Variants in CDH26 observed in about 807,000 individuals in gnomAD.
CDH26 encodes the protein cadherin-like protein 26.
A neutral mutation model predicts 90.3 loss-of-function variants in CDH26; 83 were observed. The observed-to-expected ratio is 0.92, with a 90% CI of 0.77 to 1.10. The LOEUF (loss-of-function observed/expected upper bound fraction) is 1.10. CDH26 is among the 50% of genes least tolerant of loss of function. The probability of loss-of-function intolerance (pLI) is 0.00; values close to 1 mark genes in which losing one functional copy is unlikely to be tolerated. For missense variants in CDH26, 1,013 were observed against 1,037.6 expected, an observed-to-expected ratio of 0.98 and a Z score of 0.33; for synonymous variants, 397 against 396.3, an observed-to-expected ratio of 1.00 and a Z score of -0.02.
At position 59,978,846 on chromosome 20, in the gene CDH26, A is replaced by G. The variant is rs191295226; in HGVS notation, c.394-4077A>G. 1.3e-3 allele frequency among the ~76,000 whole-genome samples: 202 copies of G among 152,338 alleles called. 2 individuals carry two copies. Among genetic ancestry groups the G allele is most frequent in the East Asian group, 1.7e-3 (9 of 5,182 alleles). Reference sequence around the variant, plus strand: ...TCTTCACTTATTAGATTTGATATGAAGTTTTTAATAACTTCTTTGACAATA... The same window carrying G: ...TCTTCACTTATTAGATTTGATATGAGGTTTTTAATAACTTCTTTGACAATA... On this transcript the variant is annotated intron_variant, in intron 4 of 17. Coordinates refer to ENST00000348616, the MANE Select transcript of CDH26 (RefSeq NM_177980.4).
intron 7 of CDH26, among the ~76,000 whole-genome samples, chr20:60,021,867 C>CACACACACACACACACACAT (rs1555903635): frequency 0.027 from 2,473 of 90,378 alleles, 125 homozygotes; most frequent in Middle Eastern, 0.036. Flanking sequence ...CACACACACA[C>CACACACACACACACACACAT]ACACACACAC....
chr20:59,979,079 C>T (rs552410367), intron 4 of CDH26, among the ~76,000 whole-genome samples: 1 of 152,194 alleles, frequency 6.6e-6, no homozygotes, highest in African/African-American at 2.4e-5. Context: ...TTGTTTAGAA[C>T]ATCATAGAGA....
intron 1 of CDH26, among the ~76,000 whole-genome samples, chr20:59,964,646 TAAAG>T (rs2061123552): frequency 6.6e-6 from 1 of 152,146 alleles, no homozygotes; most frequent in Non-Finnish European, 1.5e-5. Flanking sequence ...AAGACATGCA[TAAAG>T]AGAGGAGAAA....
downstream of CDH26, among the ~76,000 whole-genome samples, chr20:60,015,294 G>A (rs6071085): frequency 0.32 from 49,142 of 152,076 alleles, 10,001 homozygotes; most frequent in Non-Finnish European, 0.43. Context: ...CCCAGCATTG[G>A]CTATTTTTGA....
At chr20:59,968,942 A>C in intron 1 of CDH26, 25 bp from the exon 2 acceptor site, 1 of 1,278,702 alleles carries the variant, frequency 7.8e-7, no homozygotes, top group Non-Finnish European at 1.1e-6. Context: ...ATTCTCTACT[A>C]ATTAATATTA....
At chr20:60,031,414 G>T in exon 8 of CDH26, 1 of 1,176,038 alleles carries the variant, frequency 8.5e-7, no homozygotes, top group Non-Finnish European at 1.1e-6. Flanking sequence ...AGTTGTTTAT[G>T]ACCACAAGGA....
chr20:60,016,636 C>G (rs1005199101), downstream of CDH26, among the ~76,000 whole-genome samples: 1 of 150,852 alleles, frequency 6.6e-6, no homozygotes, highest in African/African-American at 2.5e-5. Context: ...CTGGCTAGGA[C>G]ATTCAGTATT....
At position 59,999,682 on chromosome 20, in the gene CDH26, G is replaced by C; in HGVS notation, c.2097+19G>C. 2 of 1,612,778 alleles carry C rather than the reference G, an allele frequency of 1.2e-6. No individual in the cohort carries two copies. The highest frequency in any genetic ancestry group is 1.7e-6 in the Non-Finnish European group (2 of 1,178,932). Reference sequence around the variant, plus strand: ...AGTTAAGGTAACATGCCCCTTACTTGCTTCTGGATTTCAGAGAAGTGACTT... The same window carrying C: ...AGTTAAGGTAACATGCCCCTTACTTCCTTCTGGATTTCAGAGAAGTGACTT... On this transcript the variant is annotated intron_variant, in intron 14 of 17. Coordinates refer to ENST00000348616, the MANE Select transcript of CDH26 (RefSeq NM_177980.4).
intron 8 of CDH26, among the ~76,000 whole-genome samples, 174 bp from the exon 9 acceptor site, chr20:59,988,730 A>C (rs1170940787): frequency 2.0e-5 from 3 of 152,200 alleles, no homozygotes; most frequent in African/African-American, 7.2e-5. Flanking sequence ...AGAACTCCAT[A>C]AATGATTTGA....
chr20:59,971,851 G>A, intron 3 of CDH26, 111 bp from the exon 4 acceptor site: 1 of 790,044 alleles, frequency 1.3e-6, no homozygotes, highest in Non-Finnish European at 2.0e-6. Flanking sequence ...ATGTGCCATT[G>A]CTGGGTATAA....
Position 59,989,658 on chromosome 20 carries a change from G to A in CDH26, c.1283+495G>A, listed in dbSNP as rs142614461. On this transcript the variant is annotated intron_variant, in intron 9 of 17. Transcript: ENST00000348616. ...TGACCACTGACCTGAGTTAAATGTC[G>A]TCTTCTATCCATAGGTTTTTCTGAC... Among the ~76,000 whole-genome samples the A allele has an allele frequency of 2.9e-3, 441 of 152,114 alleles. 3 individuals are homozygous for A. The highest frequency in any genetic ancestry group is 3.6e-3 in the Non-Finnish European group (242 of 68,004).
intron 7 of CDH26, among the ~76,000 whole-genome samples, chr20:59,986,544 G>A (rs2145987742): frequency 6.6e-6 from 1 of 151,720 alleles, no homozygotes. Context: ...GGGACACACT[G>A]TAGCTCCTTT....
chr20:59,993,573 G>T (rs1443884053), intron 10 of CDH26, among the ~76,000 whole-genome samples: 1 of 152,092 alleles, frequency 6.6e-6, no homozygotes, highest in Non-Finnish European at 1.5e-5. Flanking sequence ...CTATTCAAGT[G>T]TCTGCAAAAA....
rs1649043984 is a variant in CDH26 at position 60,031,454 on chromosome 20, C to T, written c.1143+28C>T. The T allele has an allele frequency of 2.8e-6, 3 of 1,061,950 alleles. No individual in the cohort carries two copies. In the South Asian group the frequency reaches 8.1e-5, roughly 29 times the overall value. 65.8% of individuals were successfully genotyped at this position (1,061,950 alleles called of 1,614,324 possible). ...TTGAGTCTCTATATTTTTGCATGTACTAGATTTCTCCTTTTAAAAAAGATT... is the reference window on the plus strand; with the variant it reads ...TTGAGTCTCTATATTTTTGCATGTATTAGATTTCTCCTTTTAAAAAAGATT... On this transcript the variant is annotated intron_variant, in intron 8 of 8. Coordinates refer to the CDH26 transcript ENST00000370991.
chr20:60,011,902 A>G (rs2061848624), intron 17 of CDH26, among the ~76,000 whole-genome samples: 1 of 152,098 alleles, frequency 6.6e-6, no homozygotes, highest in African/African-American at 2.4e-5. Flanking sequence ...AGTGTCACAG[A>G]GAGAGATGGT....
At chr20:60,031,450 T>C (rs1255427777) in intron 8 of CDH26, 1 of 1,067,996 alleles carries the variant, frequency 9.4e-7, no homozygotes, top group Non-Finnish European at 1.2e-6. Context: ...TATTTTTGCA[T>C]GTACTAGATT....
chr20:59,958,716 G>T lies in CDH26; in HGVS notation c.-11G>T. 3.1e-6 allele frequency: 5 copies of T among 1,614,098 alleles called. No individual in the cohort carries two copies. The highest frequency in any genetic ancestry group is 4.2e-6 in the Non-Finnish European group (5 of 1,179,962). On this transcript the variant is annotated 5_prime_UTR_variant, in exon 1 of 18. Transcript: ENST00000348616. ...AGCTGCACGTTCTGGGTCTGTCTTG[G>T]GTATTCCCATATGGCCATGAGATCC... is the stretch of plus-strand genomic sequence containing the variant.
intron 11 of CDH26, 59 bp downstream of exon 11, chr20:59,994,548 C>G: frequency 6.3e-7 from 1 of 1,587,532 alleles, no homozygotes; most frequent in East Asian, 2.2e-5. Flanking sequence ...CCAATTCAAA[C>G]AGATTTAGGC....
At chr20:60,000,183 G>A (rs941802199) in intron 14 of CDH26, among the ~76,000 whole-genome samples, 1 of 152,236 alleles carries the variant, frequency 6.6e-6, no homozygotes, top group African/African-American at 2.4e-5. Context: ...GGAAGGCAGA[G>A]CGTGGAAGCC....
Sources: allele counts gnomAD v4.1 joint callset (sites outside exome capture counted in the v4.1 genomes callset), GRCh38; gene constraint gnomAD v4.1.1; transcripts MANE v1.5; gene names NCBI Gene and HGNC (gene_info 2026-07-23, HGNC 2026-07-21).